NCOA1: variants seen among roughly 807,000 people sequenced by gnomAD.
The protein encoded by NCOA1 is Hin-2 protein.
NCOA1 carries 35 observed loss-of-function variants against 150.9 expected under a neutral mutation model. That is an observed-to-expected ratio of 0.23 (90% CI 0.18 to 0.31). The LOEUF is 0.31. Among genes scored for constraint, NCOA1 ranks in the 10% least tolerant of loss-of-function variants. The pLI is 1.00. For synonymous variants in NCOA1, 590 were observed against 630.0 expected (o/e 0.94, Z 0.95); for missense variants, 1,491 against 1,749.3 (o/e 0.85, Z 2.63).
intron 14 of NCOA1, among the ~76,000 whole-genome samples, chr2:24,718,953 T>C (rs1327805856): frequency 2.4e-5 from 3 of 126,190 alleles, no homozygotes; most frequent in African/African-American, 9.2e-5. Context: ...CACTTGAACC[T>C]GGGAGGTGGA....
intron 1 of NCOA1, among the ~76,000 whole-genome samples, chr2:24,548,687 C>T (rs748755287): frequency 6.6e-6 from 1 of 152,142 alleles, no homozygotes; most frequent in Non-Finnish European, 1.5e-5. Context: ...TTGGCCAAAA[C>T]AAAGGGGCTA....
intron 1 of NCOA1, among the ~76,000 whole-genome samples, chr2:24,509,292 CAG>C (rs896884479): frequency 2.2e-4 from 33 of 152,290 alleles, no homozygotes; most frequent in African/African-American, 7.9e-4. Context: ...AATAGTGAAA[CAG>C]GGAGTTCAAG....
At chr2:24,744,352 A>C (rs1663778110) in intron 19 of NCOA1, among the ~76,000 whole-genome samples, 1 of 152,242 alleles carries the variant, frequency 6.6e-6, no homozygotes, top group Non-Finnish European at 1.5e-5. Flanking sequence ...ATCCAGTTGC[A>C]AACTGAAATG....
chr2:24,492,942 T>G (rs1663042441), intron 1 of NCOA1, among the ~76,000 whole-genome samples: 2 of 145,644 alleles, frequency 1.4e-5, no homozygotes, highest in Admixed American at 7.1e-5. Flanking sequence ...TCTCCTCTTC[T>G]GGAATTGGTT....
chr2:24,610,560 G>T (rs1004885418), intron 3 of NCOA1, among the ~76,000 whole-genome samples: 3 of 151,752 alleles, frequency 2.0e-5, no homozygotes, highest in Non-Finnish European at 4.4e-5. Flanking sequence ...GTTCTGTTTG[G>T]TTATTTTTCA....
chr2:24,728,441 C>T lies in NCOA1; in HGVS notation c.2851C>T (p.Leu951=), dbSNP rs368462416. The stretch of plus-strand genomic sequence containing the variant: ...CAAAGATGAAACTGAGCTAGCTGAA[C>T]TAGACAGAGCTCTGGGAATTGACAA... The part of the protein sequence containing the change: ...SGKDETELAE[L]DRALGIDKLV... Residue 951 remains leucine, a synonymous_variant, in exon 16 of 23, where the codon CTA becomes TTA. Transcript: ENST00000348332. 3 of 1,613,672 alleles carry T rather than the reference C, an allele frequency of 1.9e-6. No homozygotes were observed. In the Admixed American group the frequency reaches 5.0e-5, roughly 27 times the overall value.
In NCOA1 at chr2:24,682,965, T is replaced by C. The variant is rs1360095725; in HGVS notation, c.369T>C (p.Phe123=). 1.3e-6 allele frequency: 2 copies of C among 1,591,124 alleles called. No homozygotes were observed. The highest frequency in any genetic ancestry group is 2.3e-5 in the South Asian group (2 of 85,346). Residue 123 remains phenylalanine, a synonymous_variant, in exon 8 of 23, where the codon TTT becomes TTC. Coordinates refer to ENST00000348332, the MANE Select transcript of NCOA1 (RefSeq NM_003743.5). The part of the protein sequence containing the change: ...GPLLLEALDG[F]FFVVNCEGRI... ...TGGTTTTGCAGGCTTTGGATGGATT[T>C]TTCTTTGTTGTGAACTGTGAAGGGA...
chr2:24,737,957 A>G (rs1381501655), intron 17 of NCOA1, among the ~76,000 whole-genome samples: 2 of 152,324 alleles, frequency 1.3e-5, no homozygotes, highest in South Asian at 2.1e-4. Context: ...TAAGAAGTAT[A>G]TCAGTTTTGG....
chr2:24,732,412 C>A (rs571827374), intron 17 of NCOA1, among the ~76,000 whole-genome samples: 1 of 152,336 alleles, frequency 6.6e-6, no homozygotes, highest in Admixed American at 6.5e-5. Flanking sequence ...GACAGTAACT[C>A]TGCTACCTAA....
intron 1 of NCOA1, among the ~76,000 whole-genome samples, chr2:24,540,678 C>T (rs1013415653): frequency 6.6e-6 from 1 of 151,966 alleles, no homozygotes; most frequent in Non-Finnish European, 1.5e-5. Flanking sequence ...AGGCTGGTCT[C>T]GAACTCCTGA....
chr2:24,739,313 C>G (rs1429050608), intron 17 of NCOA1, 119 bp from the exon 18 acceptor site: 1 of 690,086 alleles, frequency 1.4e-6, no homozygotes, highest in African/African-American at 1.8e-5. Flanking sequence ...AGGAAATAAT[C>G]TAACCAAACC....
At chr2:24,699,708 T>G (rs1316009895) in intron 11 of NCOA1, among the ~76,000 whole-genome samples, 1 of 152,214 alleles carries the variant, frequency 6.6e-6, no homozygotes, top group African/African-American at 2.4e-5. Flanking sequence ...TTTTTGATAT[T>G]TTCTATTCAG....
chr2:24,570,654 C>T (rs2148279439), intron 2 of NCOA1, among the ~76,000 whole-genome samples: 1 of 152,314 alleles, frequency 6.6e-6, no homozygotes, highest in South Asian at 2.1e-4. Flanking sequence ...CATTAGCTTT[C>T]TCTTAATGAA....
At chr2:24,729,872 C>T (rs2148642148) in intron 17 of NCOA1, 57 bp downstream of exon 17, 1 of 1,047,150 alleles carries the variant, frequency 9.5e-7, no homozygotes. Context: ...GAAGTCTCAC[C>T]TGTCACCAGG....
rs147912628 is a variant in NCOA1, at chr2:24,659,999, G to A, written c.89+1233G>A. ...TCTCTCATGGGAGGAAAAAAAGGAG[G>A]ATTTTAACAGGAGAATGCCAGGGCT... On this transcript the variant is annotated intron_variant, in intron 5 of 22. Coordinates refer to ENST00000348332, the MANE Select transcript of NCOA1 (RefSeq NM_003743.5). Among the ~76,000 whole-genome samples, 298 of 152,154 alleles carry A rather than the reference G, an allele frequency of 2.0e-3. 2 individuals carry two copies. Among genetic ancestry groups the A allele is most frequent in the African/African-American group, 6.5e-3 (268 of 41,516 alleles).
chr2:24,663,607 A>G (rs1181978813), intron 5 of NCOA1, among the ~76,000 whole-genome samples: 1 of 152,234 alleles, frequency 6.6e-6, no homozygotes, highest in Non-Finnish European at 1.5e-5. Flanking sequence ...ATTCGTAAAG[A>G]GAGAAATATA....
intron 2 of NCOA1, among the ~76,000 whole-genome samples, chr2:24,576,152 T>G (rs1666954610): frequency 1.0e-5 from 1 of 96,134 alleles, no homozygotes; most frequent in Non-Finnish European, 2.1e-5. Context: ...GGCCTTTGTT[T>G]TTTTTTTTTT....
intron 8 of NCOA1, among the ~76,000 whole-genome samples, chr2:24,687,842 A>G (rs753029161): frequency 3.9e-5 from 6 of 152,144 alleles, no homozygotes; most frequent in Non-Finnish European, 7.4e-5. Flanking sequence ...GAGCCAAACC[A>G]TATCAACCAA....
chr2:24,764,140 A>G (rs1208068036), intron 22 of NCOA1, among the ~76,000 whole-genome samples: 3 of 152,218 alleles, frequency 2.0e-5, no homozygotes, highest in Admixed American at 2.0e-4. Context: ...TGAACGAGGT[A>G]GTATTCCTTT....
Sources: allele counts gnomAD v4.1 joint callset (sites outside exome capture counted in the v4.1 genomes callset), GRCh38; gene constraint gnomAD v4.1.1; transcripts MANE v1.5; gene names NCBI Gene and HGNC (gene_info 2026-07-23, HGNC 2026-07-21).